Variants in LRP4 observed in about 807,000 individuals in gnomAD.
LRP4 encodes low-density lipoprotein receptor-related protein 4.
A neutral mutation model predicts 220.3 loss-of-function variants in LRP4; 95 were observed. The ratio of observed to expected loss-of-function variants is 0.43; its 90% CI spans 0.37 to 0.51. The LOEUF (loss-of-function observed/expected upper bound fraction) is 0.51. Ranked by LOEUF, LRP4 falls within the 20% of genes least tolerant of loss-of-function variation. LRP4 has a pLI of 0.00. For missense variants in LRP4, 1,925 were observed against 2,567.0 expected (o/e 0.75, Z 5.40); for synonymous variants, 903 against 954.6 (o/e 0.95, Z 1.00).
At chr11:46,913,136 G>A (rs752839197) in intron 1 of LRP4, among the ~76,000 whole-genome samples, 1 of 152,262 alleles carries the variant, frequency 6.6e-6, no homozygotes, top group East Asian at 1.9e-4. Context: ...GGGTGTCAGG[G>A]AGCGCTAACA....
In LRP4 at chr11:46,869,369, A is replaced by G. The variant is rs188617447; in HGVS notation, c.4693-237T>C. ...GCACCTTATAGTCACTTGCCCAAGTACATTTTTACACTCAAGCAATTTGTT... is the reference window on the plus strand; with the variant it reads ...GCACCTTATAGTCACTTGCCCAAGTGCATTTTTACACTCAAGCAATTTGTT... On this transcript the variant is annotated intron_variant, in intron 31 of 37. Coordinates refer to ENST00000378623, the MANE Select transcript of LRP4 (RefSeq NM_002334.4). Among the ~76,000 whole-genome samples, 418 of 152,328 alleles carry G rather than the reference A, an allele frequency of 2.7e-3. 2 individuals carry two copies. Among genetic ancestry groups the G allele is most frequent in the African/African-American group, 9.5e-3 (396 of 41,578 alleles).
Position 46,881,877 on chromosome 11 carries a change from G to A in LRP4, c.2639C>T (p.Ala880Val), listed in dbSNP as rs373683358. 45 of 1,614,058 alleles carry A rather than the reference G, an allele frequency of 2.8e-5. No individual in the cohort carries two copies. The East Asian group carries it at 4.2e-4, about 15-fold the overall frequency. ...GCCAGCTCGTTCAATCTTGGGGCTC[G>A]CACCCCAGTCAGTCCAATACATGTA... Reference protein sequence around the residue: ...GGYMYWTDWGASPKIERAGMD... With the variant: ...GGYMYWTDWGVSPKIERAGMD... Residue 880 changes from alanine to valine, a missense_variant, in exon 20 of 38, where the codon GCG becomes GTG. By Grantham distance (64) the Ala-to-Val change is moderately conservative (BLOSUM62 0). This residue lies in a region of LRP4 where 1,244 missense variants were observed against 1,624.9 expected (regional missense o/e 0.77). Coordinates refer to ENST00000378623, the MANE Select transcript of LRP4 (RefSeq NM_002334.4).
intron 37 of LRP4, among the ~76,000 whole-genome samples, chr11:46,859,782 G>C (rs1940490877): frequency 6.6e-6 from 1 of 152,184 alleles, no homozygotes; most frequent in African/African-American, 2.4e-5. Context: ...GTTTATTAAT[G>C]GGACATCATG....
At chr11:46,871,752 A>G (rs1940871152) in intron 30 of LRP4, 119 bp from the exon 31 acceptor site, 3 of 732,976 alleles carry the variant, frequency 4.1e-6, no homozygotes, top group Non-Finnish European at 7.3e-6. Flanking sequence ...AGAACTCAAG[A>G]AGCACCCTCG....
intron 22 of LRP4, 79 bp from the exon 23 acceptor site, chr11:46,877,418 A>C: frequency 2.1e-5 from 30 of 1,437,620 alleles, no homozygotes; most frequent in East Asian, 6.8e-5. Flanking sequence ...ACTGAAACTC[A>C]TGCCCTGTCC....
Position 46,883,909 on chromosome 11 carries a change from A to G in LRP4, c.2574T>C (p.Leu858=). ...SMRTVLIWEN[L]DRPRDIVVEP... is the part of the protein sequence containing the mutation. ...CCACCACGATGTCCCGAGGACGATC[A>G]AGGTTCTCCCAGATGAGTACTGTTC... The change falls in exon 19 of 38, where the codon CTT becomes CTC. Residue 858 remains leucine (L), a synonymous_variant. Coordinates refer to ENST00000378623, the MANE Select transcript of LRP4 (RefSeq NM_002334.4). The G allele has an allele frequency of 6.2e-7, 1 of 1,614,226 alleles. No homozygotes were observed. The highest frequency in any genetic ancestry group is 8.5e-7 in the Non-Finnish European group (1 of 1,180,042).
intron 36 of LRP4, 144 bp from the exon 37 acceptor site, chr11:46,862,891 C>T: frequency 1.4e-6 from 1 of 729,440 alleles, no homozygotes; most frequent in Non-Finnish European, 2.4e-6. Context: ...TAAGAATCCC[C>T]TCCCCTTGAG....
chr11:46,913,618 T>A (rs540675867), intron 1 of LRP4, among the ~76,000 whole-genome samples: 1 of 152,180 alleles, frequency 6.6e-6, no homozygotes, highest in East Asian at 1.9e-4. Context: ...CTCAGGCCAA[T>A]GGGAGGGAGG....
At chr11:46,862,068 C>CAAA (rs35296081) in intron 37 of LRP4, among the ~76,000 whole-genome samples, 13 of 63,692 alleles carry the variant, frequency 2.0e-4, no homozygotes, top group East Asian at 5.1e-4. Context: ...AACTCTGTCT[C>CAAA]AAAAAAAAAA....
intron 16 of LRP4, among the ~76,000 whole-genome samples, chr11:46,887,810 GAC>G (rs1941331066): frequency 1.3e-5 from 2 of 151,722 alleles, no homozygotes; most frequent in South Asian, 4.2e-4. Context: ...CAGCCTGGGT[GAC>G]AGAGTGAGAC....
rs889066905 is a variant in LRP4 at position 46,893,199 on chromosome 11, C to T, written c.1541-70G>A. 7 of 1,575,754 alleles carry T rather than the reference C, an allele frequency of 4.4e-6. No individual in the cohort carries two copies. In the African/African-American group the frequency reaches 8.1e-5, roughly 18 times the overall value. The stretch of plus-strand genomic sequence containing the variant: ...CCCCCATGTCCCATAGTAATAGGAG[C>T]AAACTCTTACAGGAAGCAATTTTTT... On this transcript the variant is annotated intron_variant, in intron 12 of 37. Coordinates refer to ENST00000378623, the MANE Select transcript of LRP4 (RefSeq NM_002334.4).
chr11:46,916,533 C>G (rs773416360), intron 1 of LRP4, among the ~76,000 whole-genome samples: 7 of 149,272 alleles, frequency 4.7e-5, no homozygotes, highest in Non-Finnish European at 7.4e-5. Flanking sequence ...TCTCTCCCCC[C>G]ATTCTCACCC....
In LRP4 at chr11:46,876,357, A is replaced by AAGCTT. The variant is rs1452111055; in HGVS notation, c.3536+108_3536+109insAAGCT. On this transcript the variant is annotated intron_variant, in intron 25 of 37. Coordinates refer to ENST00000378623, the MANE Select transcript of LRP4 (RefSeq NM_002334.4). Reference sequence around the variant, plus strand: ...AGAGTGGAAGAGCCCCAGGGAGGTCACCTTGTTTCTGTGATGCAAGCTTCC... The same window carrying AAGCTT: ...AGAGTGGAAGAGCCCCAGGGAGGTCAAGCTTCCTTGTTTCTGTGATGCAAGCTTCC... 4 of 1,297,754 alleles carry AAGCTT rather than the reference A, an allele frequency of 3.1e-6. No individual in the cohort carries two copies. In the African/African-American group the frequency reaches 5.8e-5, roughly 19 times the overall value. 80.4% of individuals were successfully genotyped at this position (1,297,754 alleles called of 1,614,324 possible). A position where few individuals can be genotyped will look rare whatever the true frequency, so the allele number is the denominator to read the frequency against.
At chr11:46,912,496 A>G (rs1288151626) in intron 1 of LRP4, among the ~76,000 whole-genome samples, 6 of 152,066 alleles carry the variant, frequency 3.9e-5, no homozygotes, top group Admixed American at 3.9e-4. Flanking sequence ...AGGGTGGAAA[A>G]CCTGGGGCTC....
chr11:46,865,702 G>A (rs1486636187), intron 34 of LRP4, among the ~76,000 whole-genome samples: 2 of 152,206 alleles, frequency 1.3e-5, no homozygotes, highest in African/African-American at 4.8e-5. Context: ...GGTACATTAT[G>A]AGCAGGCAAT....
chr11:46,864,780 C>A (rs535349225), intron 35 of LRP4, among the ~76,000 whole-genome samples: 21 of 152,194 alleles, frequency 1.4e-4, no homozygotes, highest in Non-Finnish European at 2.2e-4. Context: ...TGACATAAGG[C>A]AAGATGCTTA....
chr11:46,879,108 G>T lies in LRP4; in HGVS notation c.3004+18C>A, dbSNP rs2306028. The T allele has an allele frequency of 0.16, 250,511 of 1,614,094 alleles. 27,702 individuals are homozygous for T. Among genetic ancestry groups the T allele is most frequent in the East Asian group, 0.62 (27,647 of 44,884 alleles). ...AGGAGGGCCACGGAGAAGCCAATGC[G>T]AGCCAAGGGCTGCTCACCTGGGGGC... On this transcript the variant is annotated intron_variant, in intron 21 of 37. Transcript: ENST00000378623.
At chr11:46,889,175 C>T (rs1413495497) in intron 16 of LRP4, among the ~76,000 whole-genome samples, 3 of 152,224 alleles carry the variant, frequency 2.0e-5, no homozygotes, top group Non-Finnish European at 4.4e-5. Flanking sequence ...ATGAGCCTCA[C>T]TGCAGGTGTT....
At chr11:46,898,827 C>G (rs1941600521) in intron 6 of LRP4, 77 bp downstream of exon 6, 8 of 1,609,044 alleles carry the variant, frequency 5.0e-6, no homozygotes, top group East Asian at 2.2e-5. Context: ...CCTGCCCCAG[C>G]TGGCGACTGT....
Sources: allele counts gnomAD v4.1 joint callset (sites outside exome capture counted in the v4.1 genomes callset), GRCh38; gene constraint gnomAD v4.1.1; regional missense constraint gnomAD v4.1.1; transcripts MANE v1.5; gene names NCBI Gene and HGNC (gene_info 2026-07-23, HGNC 2026-07-21).